The following EFCC1 variants were observed in gnomAD, a reference collection of about 807,000 sequenced individuals.
EFCC1 encodes the protein EF-hand and coiled-coil domain-containing protein 1.
In EFCC1, 50 loss-of-function variants were observed where a neutral mutation model predicts 52.1. That is an observed-to-expected ratio of 0.96 (90% CI 0.76 to 1.21). The LOEUF is 1.21. EFCC1 is among the 50% of genes most tolerant of loss of function. EFCC1 has a pLI of 0.00. For missense variants in EFCC1, 837 were observed against 867.3 expected (o/e 0.97, Z 0.44); for synonymous variants, 399 against 396.5 (o/e 1.01, Z -0.08).
At chr3:129,038,075 A>C (rs1042257625) in intron 6 of EFCC1, among the ~76,000 whole-genome samples, 5 of 152,098 alleles carry the variant, frequency 3.3e-5, no homozygotes, top group Admixed American at 3.3e-4. Context: ...AAAAAAAAAA[A>C]AATTAAAATT....
At chr3:129,008,215 G>A (rs1945160423) in intron 2 of EFCC1, among the ~76,000 whole-genome samples, 1 of 152,234 alleles carries the variant, frequency 6.6e-6, no homozygotes, top group African/African-American at 2.4e-5. Flanking sequence ...AAGACCAATA[G>A]GTGGAATATT....
Position 129,039,861 on chromosome 3 carries a change from A to G in EFCC1, c.*13A>G. The G allele has an allele frequency of 6.3e-7, 1 of 1,589,196 alleles. No individual in the cohort carries two copies. Reference sequence around the variant, plus strand: ...CGTCTCCTGCTGAGGTTACTGGCCCACCCTGTGGGCACCCTGCTCAGCCTG... The same window carrying G: ...CGTCTCCTGCTGAGGTTACTGGCCCGCCCTGTGGGCACCCTGCTCAGCCTG... On this transcript the variant is annotated 3_prime_UTR_variant, in exon 8 of 8. Coordinates refer to ENST00000683648, the MANE Select transcript of EFCC1 (RefSeq NM_001377500.1).
rs948816076 is a variant in EFCC1, at chr3:129,032,869, G to C, written c.1189G>C (p.Glu397Gln). ...RSVEGQAASD[E>Q]EEVEEERWQE... Reference sequence around the variant, plus strand: ...CGTGGAGGGCCAGGCCGCCTCTGACGAGGAGGAGGTGGAGGAGGAGAGGTG... The same window carrying C: ...CGTGGAGGGCCAGGCCGCCTCTGACCAGGAGGAGGTGGAGGAGGAGAGGTG... The change falls in exon 4 of 8, where the codon GAG becomes CAG. Residue 397 changes from glutamate to glutamine, a missense_variant. Transcript: ENST00000683648. 1.3e-6 allele frequency: 2 copies of C among 1,551,528 alleles called. No homozygotes were observed. Among genetic ancestry groups the C allele is most frequent in the African/African-American group, 2.7e-5 (2 of 73,176 alleles).
chr3:129,021,149 C>T (rs1258044272), intron 2 of EFCC1, among the ~76,000 whole-genome samples: 1 of 152,190 alleles, frequency 6.6e-6, no homozygotes, highest in African/African-American at 2.4e-5. Flanking sequence ...TATGACCAAG[C>T]ATCACCCCAA....
At chr3:129,023,406 G>A (rs1020273948) in intron 2 of EFCC1, among the ~76,000 whole-genome samples, 1 of 151,092 alleles carries the variant, frequency 6.6e-6, no homozygotes, top group African/African-American at 2.4e-5. Flanking sequence ...TTGGCTCACT[G>A]CAAGCTCTGC....
rs1946402217 is a variant in EFCC1, at chr3:129,039,826, A to AC, written c.1783dup (p.Leu595ProfsTer45). On this transcript the variant is annotated frameshift_variant, in exon 8 of 8. Transcript: ENST00000683648. LOFTEE classifies it high-confidence loss of function. ...GCCTCTGCAGCAGCTGCGCTCACCA[A>AC]CCCCCTCCTCGTCTCCTGCTGAGGT... 1.9e-6 allele frequency: 3 copies of AC among 1,606,292 alleles called. No homozygotes were observed. The highest frequency in any genetic ancestry group is 2.3e-5 in the East Asian group (1 of 44,342).
At chr3:129,003,377 C>T (rs924905430) in intron 1 of EFCC1, 2 of 762,754 alleles carry the variant, frequency 2.6e-6, no homozygotes, top group Non-Finnish European at 3.2e-6. Context: ...CCTCAAAAGC[C>T]TCTAGTGAGC....
At chr3:129,039,006 C>G in intron 7 of EFCC1, 106 bp downstream of exon 7, 1 of 999,384 alleles carries the variant, frequency 1.0e-6, no homozygotes. Context: ...GCAAAACAAT[C>G]ATGTTATTCC....
chr3:129,012,584 G>A (rs1945377016), intron 2 of EFCC1, among the ~76,000 whole-genome samples: 1 of 152,194 alleles, frequency 6.6e-6, no homozygotes, highest in African/African-American at 2.4e-5. Context: ...GGCCCAGCCT[G>A]GGTCACAGCC....
intron 2 of EFCC1, among the ~76,000 whole-genome samples, chr3:129,017,472 C>T (rs1945638212): frequency 6.6e-6 from 1 of 152,222 alleles, no homozygotes; most frequent in Non-Finnish European, 1.5e-5. Context: ...AGCAAGGCAC[C>T]CTTGGCCGGG....
intron 2 of EFCC1, among the ~76,000 whole-genome samples, chr3:129,027,253 G>GGGC (rs1946146813): frequency 6.6e-6 from 1 of 152,192 alleles, no homozygotes; most frequent in South Asian, 2.1e-4. Flanking sequence ...GAGGCCCCGC[G>GGGC]GGCGGCGGCG....
In EFCC1 at chr3:129,014,791, G is replaced by A. The variant is rs1259214432; in HGVS notation, c.980+10714G>A. ...ACAGGGCTGGGCACAAGCTTGGCTT[G>A]TCTGCACTGCCTGCACGGGGACGAG... On this transcript the variant is annotated intron_variant, in intron 2 of 7. Coordinates refer to ENST00000683648, the MANE Select transcript of EFCC1 (RefSeq NM_001377500.1). This position sits in a 1 kb window ranked among gnomAD's most constrained non-coding sequence, Gnocchi z 4.3. Among the ~76,000 whole-genome samples, 7 of 152,196 alleles carry A rather than the reference G, an allele frequency of 4.6e-5. No homozygotes were observed.
At chr3:129,022,979 T>C (rs865971616) in intron 2 of EFCC1, among the ~76,000 whole-genome samples, 1 of 152,198 alleles carries the variant, frequency 6.6e-6, no homozygotes, top group Non-Finnish European at 1.5e-5. Flanking sequence ...TAGCCTCTCT[T>C]GAATGGACAG....
In EFCC1 at chr3:129,004,058, G is replaced by A; in HGVS notation, c.961G>A (p.Ala321Thr). 6.6e-7 allele frequency: 1 copy of A among 1,511,262 alleles called. No homozygotes were observed. Among genetic ancestry groups the A allele is most frequent in the Non-Finnish European group, 8.8e-7 (1 of 1,136,568 alleles). The allele number at this position is 1,511,262 out of a possible 1,614,324, so 93.6% of individuals were successfully genotyped here. The change falls in exon 2 of 8, where the codon GCG becomes ACG. Residue 321 changes from alanine to threonine, a missense_variant. Ala to Thr is a moderately conservative substitution (Grantham distance 58). Transcript: ENST00000683648. ...GLQRWVRRLE[A>T]ELQRYRSEDS... ...GCAGCGCTGGGTGCGGCGGCTGGAGGCGGAGCTGCAACGCTACAGGTGAGC... is the reference window on the plus strand; with the variant it reads ...GCAGCGCTGGGTGCGGCGGCTGGAGACGGAGCTGCAACGCTACAGGTGAGC...
chr3:129,011,289 G>A (rs907984715), intron 2 of EFCC1, among the ~76,000 whole-genome samples: 10 of 152,132 alleles, frequency 6.6e-5, no homozygotes, highest in Admixed American at 1.3e-4. Context: ...GGTGGCTCAC[G>A]CCTGTAATCC....
In EFCC1 at chr3:129,002,239, A is replaced by G; in HGVS notation, c.611A>G (p.Glu204Gly). ...GACTGTGAGCGCGTTGCGCGGCTGGAGGAGGAGAATAGCAGCTTGCGCGAG... is the reference window on the plus strand; with the variant it reads ...GACTGTGAGCGCGTTGCGCGGCTGGGGGAGGAGAATAGCAGCTTGCGCGAG... ...GPDCERVARL[E>G]EENSSLRELV... The change falls in exon 1 of 8, where the codon GAG becomes GGG. Residue 204 changes from glutamate (E) to glycine (G), a missense_variant. Physicochemically the swap from Glu to Gly is moderately conservative, Grantham distance 98. Coordinates refer to ENST00000683648, the MANE Select transcript of EFCC1 (RefSeq NM_001377500.1). 1 of 1,529,556 alleles carries G rather than the reference A, an allele frequency of 6.5e-7. No individual in the cohort carries two copies. The highest frequency in any genetic ancestry group is 2.0e-5 in the Admixed American group (1 of 50,406). 94.7% of individuals were successfully genotyped at this position (1,529,556 alleles called of 1,614,324 possible).
intron 7 of EFCC1, 59 bp downstream of exon 7, chr3:129,038,959 G>A (rs955859352): frequency 4.3e-6 from 6 of 1,402,600 alleles, no homozygotes; most frequent in Non-Finnish European, 6.1e-6. Flanking sequence ...GTCCTGAGGA[G>A]GAGACTCCAG....
Position 129,001,991 on chromosome 3 carries a change from G to A in EFCC1, c.363G>A (p.Gly121=). Residue 121 remains glycine (G), a synonymous_variant, in exon 1 of 8, where the codon GGG becomes GGA. Transcript: ENST00000683648. ...CGGCCGCTGAGTTGGCCACGGACGGGGACTCAGATACCGATGAAGAGGCGC... is the reference window on the plus strand; with the variant it reads ...CGGCCGCTGAGTTGGCCACGGACGGAGACTCAGATACCGATGAAGAGGCGC... The part of the protein sequence containing the change: ...GDAAAELATD[G]DSDTDEEARL... The A allele has an allele frequency of 6.5e-7, 1 of 1,545,798 alleles. No homozygotes were observed. Among genetic ancestry groups the A allele is most frequent in the Non-Finnish European group, 8.7e-7 (1 of 1,145,158 alleles).
At chr3:129,025,372 G>A (rs1042662863) in intron 2 of EFCC1, among the ~76,000 whole-genome samples, 10 of 152,134 alleles carry the variant, frequency 6.6e-5, no homozygotes, top group Admixed American at 1.3e-4. Context: ...CGGAAGCCAC[G>A]GGAAGAGTGT....
Sources: allele counts gnomAD v4.1 joint callset (sites outside exome capture counted in the v4.1 genomes callset), GRCh38; gene constraint gnomAD v4.1.1; non-coding constraint Gnocchi (gnomAD v3.1); transcripts MANE v1.5; gene names NCBI Gene and HGNC (gene_info 2026-07-23, HGNC 2026-07-21).